BRCA2: variants seen among roughly 807,000 people sequenced by gnomAD.
BRCA2 encodes breast cancer type 2 susceptibility protein.
Under a neutral mutation model 276.7 loss-of-function variants are expected in BRCA2, and 203 were observed. The observed-to-expected ratio is 0.73, with a 90% CI of 0.65 to 0.82. BRCA2 has a LOEUF of 0.82. Among genes scored for constraint, BRCA2 ranks in the 40% least tolerant of loss-of-function variants. The pLI, the probability that BRCA2 is intolerant of heterozygous loss-of-function variation, is 0.00. For synonymous variants in BRCA2, 1,289 were observed against 1,338.4 expected (o/e 0.96, Z 0.81); for missense variants, 3,920 against 3,915.0 (o/e 1.00, Z -0.03).
chr13:32,354,248 G>A (rs2072671446), intron 13 of BRCA2, among the ~76,000 whole-genome samples: 1 of 152,176 alleles, frequency 6.6e-6, no homozygotes, highest in Non-Finnish European at 1.5e-5. Flanking sequence ...AGTAGTGGGA[G>A]AAATGAGAGT....
rs780621780 is a variant in BRCA2 at position 32,340,417 on chromosome 13, A to T, written c.6062A>T (p.His2021Leu). 1 of 1,613,862 alleles carries T rather than the reference A, an allele frequency of 6.2e-7. No individual in the cohort carries two copies. The highest frequency in any genetic ancestry group is 2.2e-5 in the East Asian group (1 of 44,838). ...FSKVLFKSNE[H>L]SDQLTREENT... ...AAAGTATTGTTTAAAAGTAACGAAC[A>T]TTCAGACCAGCTCACAAGAGAAGAA... is the stretch of plus-strand genomic sequence containing the variant. Residue 2021 changes from histidine to leucine, a missense_variant, in exon 11 of 27, where the codon CAT (histidine) becomes CTT (leucine). Physicochemically the swap from His to Leu is moderately conservative, Grantham distance 99. Around this residue, in one of 2 missense-constraint regions of BRCA2, gnomAD observed 3,263 missense variants for 3,156.9 expected, o/e 1.03. Coordinates refer to ENST00000380152, the MANE Select transcript of BRCA2 (RefSeq NM_000059.4).
In BRCA2 at chr13:32,325,197, T is replaced by A. The variant is rs2137447164; in HGVS notation, c.425+13T>A. 6.7e-7 allele frequency: 1 copy of A among 1,484,364 alleles called. No homozygotes were observed. The highest frequency in any genetic ancestry group is 1.2e-5 in the South Asian group (1 of 86,862). 91.9% of individuals were successfully genotyped at this position (1,484,364 alleles called of 1,614,324 possible). A position where few individuals can be genotyped will look rare whatever the true frequency, so the allele number is the denominator to read the frequency against. ...GTCTTAGTGAAAGGTATGATGAAGC[T>A]ATTATATTAAAATATTTAAATGAAA... On this transcript the variant is annotated intron_variant, in intron 4 of 26. Transcript: ENST00000380152.
intron 24 of BRCA2, among the ~76,000 whole-genome samples, chr13:32,386,344 G>A (rs1304612857): frequency 6.6e-6 from 1 of 152,146 alleles, no homozygotes; most frequent in Non-Finnish European, 1.5e-5. Flanking sequence ...GGAAGCGGAG[G>A]TTGCAGTGAA....
At chr13:32,394,118 C>G (rs1041316593) in intron 24 of BRCA2, among the ~76,000 whole-genome samples, 13 of 152,128 alleles carry the variant, frequency 8.5e-5, no homozygotes, top group African/African-American at 3.1e-4. Context: ...TCATAGAAAT[C>G]GTCCTCACTC....
chr13:32,392,602 A>G (rs1313623802), intron 24 of BRCA2, among the ~76,000 whole-genome samples: 1 of 152,160 alleles, frequency 6.6e-6, no homozygotes, highest in Non-Finnish European at 1.5e-5. Context: ...AAAAAAAAAA[A>G]AAAAATTATA....
At chr13:32,345,424 T>C (rs369776219) in intron 12 of BRCA2, among the ~76,000 whole-genome samples, 276 of 152,186 alleles carry the variant, frequency 1.8e-3, no homozygotes, top group African/African-American at 6.4e-3. Flanking sequence ...CTAAAATGGT[T>C]GTAGATACCT....
rs1401919440 is a variant in BRCA2, at chr13:32,399,447, A to G, written c.*677A>G. ...GAAGAGTGGTGTTTCCTTTTGAGCA[A>G]TTCTTCATCCTTAAGTCAGCATGAT... is the stretch of plus-strand genomic sequence containing the variant. On this transcript the variant is annotated 3_prime_UTR_variant, in exon 27 of 27. Transcript: ENST00000380152. 5.3e-6 allele frequency: 1 copy of G among 187,814 alleles called. No homozygotes were observed. Among genetic ancestry groups the G allele is most frequent in the Non-Finnish European group, 1.1e-5 (1 of 89,036 alleles). The allele number at this position is 187,814 out of a possible 1,614,324, so 11.6% of individuals were successfully genotyped here. A position where few individuals can be genotyped will look rare whatever the true frequency, so the allele number is the denominator to read the frequency against.
At chr13:32,329,600 A>G in intron 8 of BRCA2, 108 bp downstream of exon 8, 1 of 929,602 alleles carries the variant, frequency 1.1e-6, no homozygotes, top group South Asian at 1.5e-5. Flanking sequence ...TAATTTATCT[A>G]AGCCTTTGAG....
In BRCA2 at chr13:32,329,499, A is replaced by G. The variant is rs1593889345; in HGVS notation, c.681+7A>G. On this transcript the variant is annotated splice_region_variant and intron_variant, in intron 8 of 26. Transcript: ENST00000380152. The stretch of plus-strand genomic sequence containing the variant: ...TCCTCATGATACTACTGCTGTAAGT[A>G]AATATGACATTGATTAGACTGTTGA... 1.3e-6 allele frequency: 2 copies of G among 1,586,206 alleles called. No homozygotes were observed. The highest frequency in any genetic ancestry group is 1.7e-6 in the Non-Finnish European group (2 of 1,156,948).
rs1233016217 is a variant in BRCA2 at position 32,332,976 on chromosome 13, G to A, written c.1498G>A (p.Gly500Ser). 4 of 1,594,140 alleles carry A rather than the reference G, an allele frequency of 2.5e-6. No individual in the cohort carries two copies. Among genetic ancestry groups the A allele is most frequent in the African/African-American group, 2.7e-5 (2 of 73,300 alleles). The change falls in exon 10 of 27, where the codon GGT (glycine) becomes AGT (serine). Residue 500 changes from glycine (G) to serine (S), a missense_variant. By Grantham distance (56) the Gly-to-Ser change is moderately conservative. This residue lies in a region of BRCA2 where 3,263 missense variants were observed against 3,156.9 expected (regional missense o/e 1.03). Coordinates refer to ENST00000380152, the MANE Select transcript of BRCA2 (RefSeq NM_000059.4). ...GTSPVASSFQGIKKSIFRIRE... is the reference protein window; with the variant it reads ...GTSPVASSFQSIKKSIFRIRE... ...TTCTCCAGTGGCTTCTTCATTTCAGGGTATCAAAAAGTCTATATTCAGAAT... is the reference window on the plus strand; with the variant it reads ...TTCTCCAGTGGCTTCTTCATTTCAGAGTATCAAAAAGTCTATATTCAGAAT...
chr13:32,341,987 T>C (rs1057011950), intron 11 of BRCA2, among the ~76,000 whole-genome samples: 45 of 152,086 alleles, frequency 3.0e-4, no homozygotes, highest in African/African-American at 1.1e-3. Context: ...ACACCTCCCA[T>C]GAGGGCTGGG....
At position 32,329,454 on chromosome 13, in the gene BRCA2, G is replaced by A. The variant is rs774539540; in HGVS notation, c.643G>A (p.Glu215Lys). ...SSTVLIVRNE[E>K]ASETVFPHDT... Reference sequence around the variant, plus strand: ...TTTTTATCTTACAGTCAGAAATGAAGAAGCATCTGAAACTGTATTTCCTCA... The same window carrying A: ...TTTTTATCTTACAGTCAGAAATGAAAAAGCATCTGAAACTGTATTTCCTCA... Residue 215 changes from glutamate (E) to lysine (K), a missense_variant, in exon 8 of 27, where the codon GAA becomes AAA. Glu to Lys is a moderately conservative substitution (Grantham distance 56, BLOSUM62 1). This residue lies in a region of BRCA2 where 3,263 missense variants were observed against 3,156.9 expected (regional missense o/e 1.03). Coordinates refer to ENST00000380152, the MANE Select transcript of BRCA2 (RefSeq NM_000059.4). 1 of 1,597,036 alleles carries A rather than the reference G, an allele frequency of 6.3e-7. No individual in the cohort carries two copies. The highest frequency in any genetic ancestry group is 1.1e-5 in the South Asian group (1 of 90,050).
intron 19 of BRCA2, 135 bp downstream of exon 19, chr13:32,370,692 C>T (rs999193033): frequency 4.8e-6 from 5 of 1,044,986 alleles, no homozygotes; most frequent in Admixed American, 2.0e-5. Context: ...ACTGCAGCCT[C>T]CACCTCCCGG....
intron 20 of BRCA2, among the ~76,000 whole-genome samples, 168 bp from the exon 21 acceptor site, chr13:32,376,502 A>G (rs548482279): frequency 1.3e-5 from 2 of 151,230 alleles, no homozygotes; most frequent in South Asian, 4.2e-4. Context: ...AGATTGGGTG[A>G]CAGAGTGAGA....
chr13:32,334,036 T>C (rs1454324732), intron 10 of BRCA2, among the ~76,000 whole-genome samples: 1 of 152,214 alleles, frequency 6.6e-6, no homozygotes. Flanking sequence ...GGCATTTGGG[T>C]TGATTCCATG....
intron 15 of BRCA2, among the ~76,000 whole-genome samples, chr13:32,357,522 G>A (rs768529412): frequency 1.3e-5 from 2 of 152,218 alleles, no homozygotes; most frequent in Non-Finnish European, 2.9e-5. Flanking sequence ...TATAAACGGG[G>A]TGGAAAAGGT....
intron 1 of BRCA2, among the ~76,000 whole-genome samples, chr13:32,315,966 T>C (rs774504217): frequency 7.9e-5 from 12 of 152,224 alleles, no homozygotes; most frequent in Non-Finnish European, 1.6e-4. Context: ...CCATCTGAAA[T>C]TTCTTGGAAA....
At chr13:32,381,649 C>T (rs1354059394) in intron 24 of BRCA2, among the ~76,000 whole-genome samples, 1 of 152,016 alleles carries the variant, frequency 6.6e-6, no homozygotes, top group Non-Finnish European at 1.5e-5. Flanking sequence ...TGTGGGGGTC[C>T]TTGTGTGGAC....
rs570826002 is a variant in BRCA2, at chr13:32,354,951, G to A, written c.7098G>A (p.Leu2366=). ...CTAAATCTCATTTGTATGAACATCT[G>A]ACTTTGGAAAAATCTTCAAGCAATT... ...FLSKSHLYEH[L]TLEKSSSNLA... Residue 2366 remains leucine, a synonymous_variant, in exon 14 of 27, where the codon CTG becomes CTA. Transcript: ENST00000380152. 12 of 1,613,622 alleles carry A rather than the reference G, an allele frequency of 7.4e-6. No homozygotes were observed. In the South Asian group the frequency reaches 1.3e-4, roughly 18 times the overall value.
Sources: gnomAD v4.1 joint callset for allele counts (sites outside exome capture counted in the v4.1 genomes callset) on GRCh38, gnomAD v4.1.1 for gene constraint, gnomAD v4.1.1 regional missense constraint, MANE v1.5 for transcripts, NCBI Gene and HGNC (gene_info 2026-07-23, HGNC 2026-07-21) for gene names.